The following ARB2A variants were observed in gnomAD, a reference collection of about 807,000 sequenced individuals.
ARB2A encodes cotranscriptional regulator ARB2A.
the ARB2A span, among the ~76,000 whole-genome samples, chr5:93,742,201 C>T: frequency 6.6e-6 from 1 of 152,100 alleles, no homozygotes; most frequent in South Asian, 2.1e-4. Flanking sequence ...TGGGGCAGAA[C>T]TTTGTAACTA....
chr5:94,063,364 A>G, the ARB2A span, among the ~76,000 whole-genome samples: 3 of 152,154 alleles, frequency 2.0e-5, no homozygotes, highest in Non-Finnish European at 2.9e-5. Context: ...AGGCCTGGGC[A>G]CTGTCCTGCC....
the ARB2A span, among the ~76,000 whole-genome samples, chr5:93,750,523 T>A: frequency 6.6e-6 from 1 of 152,200 alleles, no homozygotes; most frequent in East Asian, 1.9e-4. Context: ...AAATTAACAA[T>A]GTCTTATTTT....
At chr5:93,865,617 T>C in the ARB2A span, 3 of 985,306 alleles carry the variant, frequency 3.0e-6, no homozygotes, top group African/African-American at 3.5e-5. Context: ...GGGGCTAACA[T>C]CTTTATTTAA....
the ARB2A span, among the ~76,000 whole-genome samples, chr5:93,884,542 C>T: frequency 6.6e-6 from 1 of 151,468 alleles, no homozygotes; most frequent in Admixed American, 6.6e-5. Flanking sequence ...CTATATAAAT[C>T]AATTGAAGAT....
At chr5:93,899,017 T>C in the ARB2A span, among the ~76,000 whole-genome samples, 2 of 152,062 alleles carry the variant, frequency 1.3e-5, no homozygotes, top group Admixed American at 6.6e-5. Context: ...CATTGACCAA[T>C]ATAACATGCT....
At chr5:94,109,007 A>C in the ARB2A span, among the ~76,000 whole-genome samples, 1 of 152,226 alleles carries the variant, frequency 6.6e-6, no homozygotes, top group Non-Finnish European at 1.5e-5. Flanking sequence ...ACAATAACCA[A>C]AGGATGGAAA....
chr5:93,879,055 TATAA>T, the ARB2A span, among the ~76,000 whole-genome samples: 3 of 152,088 alleles, frequency 2.0e-5, no homozygotes, highest in South Asian at 6.2e-4. Flanking sequence ...GTAAGAAGTA[TATAA>T]ATAAAAGTTA....
the ARB2A span, chr5:93,620,600 AG>A: frequency 1.2e-5 from 2 of 170,778 alleles, no homozygotes; most frequent in African/African-American, 4.7e-5. Context: ...ATGATTAAGG[AG>A]GGGGAAGCAG....
chr5:93,674,277 A>C, the ARB2A span, among the ~76,000 whole-genome samples: 2 of 152,326 alleles, frequency 1.3e-5, no homozygotes, highest in East Asian at 3.9e-4. Context: ...TATCTTCCTC[A>C]ACAAGGGGAG....
chr5:93,800,419 A>G, the ARB2A span, among the ~76,000 whole-genome samples: 3 of 150,200 alleles, frequency 2.0e-5, no homozygotes, highest in Admixed American at 2.0e-4. Flanking sequence ...ACACACACAC[A>G]CACACGCACA....
At chr5:93,869,989 C>T in the ARB2A span, among the ~76,000 whole-genome samples, 1,503 of 152,290 alleles carry the variant, frequency 9.9e-3, 25 homozygotes, top group African/African-American at 0.035. Flanking sequence ...CACATGGACG[C>T]GTGAGACAGC....
the ARB2A span, among the ~76,000 whole-genome samples, chr5:93,871,624 C>T: frequency 6.6e-6 from 1 of 152,080 alleles, no homozygotes; most frequent in African/African-American, 2.4e-5. Context: ...AATTCAGCTG[C>T]CTTCTATTAA....
the ARB2A span, among the ~76,000 whole-genome samples, chr5:94,095,562 T>A: frequency 1.3e-5 from 2 of 151,902 alleles, no homozygotes; most frequent in Non-Finnish European, 2.9e-5. Flanking sequence ...TTACAAACAT[T>A]AGACTGCTAA....
the ARB2A span, among the ~76,000 whole-genome samples, chr5:93,955,937 G>T: frequency 6.6e-6 from 1 of 152,222 alleles, no homozygotes; most frequent in African/African-American, 2.4e-5. Context: ...AGGTGTATGT[G>T]AGTAAAGGCC....
the ARB2A span, among the ~76,000 whole-genome samples, chr5:94,070,420 A>G: frequency 6.6e-6 from 1 of 152,080 alleles, no homozygotes; most frequent in Non-Finnish European, 1.5e-5. Flanking sequence ...CTAATGTTCA[A>G]TAGCATATAG....
chr5:93,832,940 CTAGT>C, the ARB2A span, among the ~76,000 whole-genome samples: 18 of 152,126 alleles, frequency 1.2e-4, no homozygotes, highest in African/African-American at 4.1e-4. Context: ...AGAAATTGAA[CTAGT>C]TATTTACTAC....
At chr5:93,831,040 A>G in the ARB2A span, among the ~76,000 whole-genome samples, 1 of 152,104 alleles carries the variant, frequency 6.6e-6, no homozygotes, top group East Asian at 1.9e-4. Context: ...TGCTTTTATA[A>G]GAATCTAATA....
chr5:93,978,153 T>C, the ARB2A span, among the ~76,000 whole-genome samples: 2 of 152,188 alleles, frequency 1.3e-5, no homozygotes, highest in Non-Finnish European at 1.5e-5. Flanking sequence ...AGAACACTTA[T>C]ACATTGTTGG....
At chr5:94,011,918 G>A in the ARB2A span, among the ~76,000 whole-genome samples, 3,052 of 56,406 alleles carry the variant, frequency 0.054, 52 homozygotes, top group Admixed American at 0.089. Context: ...AATGAGCCCC[G>A]ACAAATTAAA....
Sources: gnomAD v4.1 joint callset for allele counts (sites outside exome capture counted in the v4.1 genomes callset) on GRCh38, gnomAD v4.1.1 for gene constraint, MANE v1.5 for transcripts, NCBI Gene and HGNC (gene_info 2026-07-23, HGNC 2026-07-21) for gene names.